The following NUP93 variants were observed in gnomAD, a reference collection of about 807,000 sequenced individuals.
NUP93 encodes nucleoporin 93, also known as nuclear pore complex protein Nup93.
Under a neutral mutation model 107.8 loss-of-function variants are expected in NUP93, and 55 were observed. The ratio of observed to expected loss-of-function variants is 0.51; its 90% CI spans 0.41 to 0.64. The LOEUF is 0.64. Ranked by LOEUF, NUP93 falls within the 30% of genes least tolerant of loss-of-function variation. NUP93 has a pLI of 0.00. For missense variants in NUP93, 937 were observed against 1,044.7 expected (o/e 0.90, Z 1.42); for synonymous variants, 390 against 397.5 (o/e 0.98, Z 0.22).
chr16:56,733,640 C>CAGGTGT (rs1961568063), intron 1 of NUP93, among the ~76,000 whole-genome samples: 1 of 152,004 alleles, frequency 6.6e-6, no homozygotes, highest in Non-Finnish European at 1.5e-5. Context: ...ATGAGTCATC[C>CAGGTGT]AGGTGTAGGT....
At chr16:56,789,725 C>T (rs1276619316) in intron 3 of NUP93, among the ~76,000 whole-genome samples, 1 of 152,258 alleles carries the variant, frequency 6.6e-6, no homozygotes, top group Admixed American at 6.5e-5. Flanking sequence ...CCGCTTAGCA[C>T]TGCTTTCTGC....
At chr16:56,755,207 A>G (rs1961996700) in intron 2 of NUP93, among the ~76,000 whole-genome samples, 2 of 152,252 alleles carry the variant, frequency 1.3e-5, no homozygotes, top group Admixed American at 1.3e-4. Flanking sequence ...AAAAGTGGAA[A>G]TAATCCAAAT....
intron 6 of NUP93, among the ~76,000 whole-genome samples, 195 bp from the exon 7 acceptor site, chr16:56,821,309 G>A (rs1963536727): frequency 6.6e-6 from 1 of 152,188 alleles, no homozygotes; most frequent in African/African-American, 2.4e-5. Flanking sequence ...GTGTTTGGAA[G>A]GTGGGGTGGC....
At chr16:56,788,032 T>A (rs1275843185) in intron 3 of NUP93, among the ~76,000 whole-genome samples, 1 of 152,220 alleles carries the variant, frequency 6.6e-6, no homozygotes, top group Non-Finnish European at 1.5e-5. Flanking sequence ...CCAAATCCTC[T>A]CTTTTCTTGC....
At chr16:56,746,848 C>T (rs1961828125) in intron 1 of NUP93, among the ~76,000 whole-genome samples, 1 of 152,124 alleles carries the variant, frequency 6.6e-6, no homozygotes, top group South Asian at 2.1e-4. Context: ...GCGGAAGTTG[C>T]CGTTGAGTCA....
At chr16:56,842,847 C>G (rs912704263) in intron 21 of NUP93, among the ~76,000 whole-genome samples, 1 of 152,202 alleles carries the variant, frequency 6.6e-6, no homozygotes, top group African/African-American at 2.4e-5. Context: ...GCCACCGTTC[C>G]CGGCCCCACA....
chr16:56,764,461 G>T (rs1489740817), intron 3 of NUP93, among the ~76,000 whole-genome samples: 1 of 152,194 alleles, frequency 6.6e-6, no homozygotes, highest in Non-Finnish European at 1.5e-5. Context: ...CAGCACTCCA[G>T]CCTGGCTGAC....
rs1962007184 is a variant in NUP93, at chr16:56,755,740, TG to T, written c.180-2796del. Among the ~76,000 whole-genome samples, 3 of 152,114 alleles carry T rather than the reference TG, an allele frequency of 2.0e-5. No individual in the cohort carries two copies. The South Asian group carries it at 6.2e-4, about 32-fold the overall frequency. On this transcript the variant is annotated intron_variant, in intron 2 of 21. Coordinates refer to ENST00000308159, the MANE Select transcript of NUP93 (RefSeq NM_014669.5). ...AAATACAAAAATTAGCTGAGTGTGC[TG>T]GTGTGCATCTGTAGTCCCAGCTACT...
intron 5 of NUP93, among the ~76,000 whole-genome samples, chr16:56,808,258 T>C (rs1358927000): frequency 4.6e-5 from 4 of 86,396 alleles, no homozygotes; most frequent in Non-Finnish European, 8.1e-5. Context: ...ATATAAAATA[T>C]ATAGTTATGT....
chr16:56,794,600 G>A (rs1166505190), intron 3 of NUP93, among the ~76,000 whole-genome samples: 1 of 152,044 alleles, frequency 6.6e-6, no homozygotes, highest in African/African-American at 2.4e-5. Context: ...GAGAGAGAGA[G>A]AGAGAGAGAG....
intron 10 of NUP93, chr16:56,831,532 C>G: frequency 4.0e-6 from 1 of 247,352 alleles, no homozygotes; most frequent in Non-Finnish European, 7.9e-6. Flanking sequence ...GAAGGATTCA[C>G]TCCTGTCCAT....
Position 56,779,145 on chromosome 16 carries a change from A to T in NUP93, c.298-19331A>T, listed in dbSNP as rs115098542. On this transcript the variant is annotated intron_variant, in intron 3 of 21. Coordinates refer to ENST00000308159, the MANE Select transcript of NUP93 (RefSeq NM_014669.5). ...TTCCCAGCAGCCTGGAGAACCTGGC[A>T]GAAGACAGAGCAGAGCCCACCAAGT... Among the ~76,000 whole-genome samples the T allele has an allele frequency of 5.4e-3, 822 of 152,342 alleles. 12 individuals are homozygous for T. The highest frequency in any genetic ancestry group is 0.019 in the African/African-American group (796 of 41,584).
chr16:56,800,158 G>T (rs1962989805), intron 4 of NUP93, among the ~76,000 whole-genome samples: 1 of 152,322 alleles, frequency 6.6e-6, no homozygotes, highest in East Asian at 1.9e-4. Flanking sequence ...ACTCCAGCCA[G>T]GGTGACAGAG....
chr16:56,771,801 A>C (rs1418487889), intron 3 of NUP93, among the ~76,000 whole-genome samples: 2 of 152,186 alleles, frequency 1.3e-5, no homozygotes, highest in African/African-American at 4.8e-5. Context: ...CTTGGTGCTG[A>C]GTTTATGCTG....
At chr16:56,741,940 A>G (rs1961746951) in intron 1 of NUP93, 1 of 152,222 alleles carries the variant, frequency 6.6e-6, no homozygotes, top group Non-Finnish European at 1.5e-5. Context: ...ATGGAGAGAG[A>G]TTTCTTTAAC....
intron 3 of NUP93, among the ~76,000 whole-genome samples, chr16:56,761,624 A>G (rs1020671082): frequency 2.6e-5 from 4 of 151,864 alleles, no homozygotes; most frequent in Admixed American, 6.6e-5. Context: ...GGAAATTATT[A>G]TGTCAGTTTA....
intron 1 of NUP93, among the ~76,000 whole-genome samples, chr16:56,736,837 A>G (rs1483965696): frequency 6.6e-6 from 1 of 152,234 alleles, no homozygotes; most frequent in Non-Finnish European, 1.5e-5. Context: ...CAATATTAAA[A>G]TTAACAAGTT....
In NUP93 at chr16:56,768,606, G is replaced by A. The variant is rs1289287103; in HGVS notation, c.297+9951G>A. Reference sequence around the variant, plus strand: ...TTTTTGGCCAGGTGTGGTGGCTCACGCCTGTAATCCCAGCACTTTGGAGGC... The same window carrying A: ...TTTTTGGCCAGGTGTGGTGGCTCACACCTGTAATCCCAGCACTTTGGAGGC... On this transcript the variant is annotated intron_variant, in intron 3 of 21. Transcript: ENST00000308159. Among the ~76,000 whole-genome samples the A allele has an allele frequency of 3.3e-5, 5 of 151,070 alleles. No individual in the cohort carries two copies. The South Asian group carries it at 6.3e-4, about 19-fold the overall frequency.
intron 3 of NUP93, among the ~76,000 whole-genome samples, chr16:56,780,175 T>C (rs1962488028): frequency 6.6e-6 from 1 of 152,138 alleles, no homozygotes; most frequent in Non-Finnish European, 1.5e-5. Flanking sequence ...AGTGGTACCT[T>C]GTATTGGGTC....
Sources: gnomAD v4.1 joint callset for allele counts (sites outside exome capture counted in the v4.1 genomes callset) on GRCh38, gnomAD v4.1.1 for gene constraint, MANE v1.5 for transcripts, NCBI Gene and HGNC (gene_info 2026-07-23, HGNC 2026-07-21) for gene names.